The following SGIP1 variants were observed in gnomAD, a reference collection of about 807,000 sequenced individuals.
SGIP1 encodes the protein SH3GL interacting endocytic adaptor 1.
SGIP1 carries 38 observed loss-of-function variants against 107.5 expected under a neutral mutation model. That is an observed-to-expected ratio of 0.35 (90% CI 0.27 to 0.46). The LOEUF (loss-of-function observed/expected upper bound fraction) is 0.46, where lower values mean the gene tolerates loss of function less well. SGIP1 is among the 20% of genes least tolerant of loss of function. SGIP1 has a pLI of 1.00. For missense variants in SGIP1, 929 were observed against 1,019.5 expected (o/e 0.91, Z 1.21); for synonymous variants, 365 against 366.1 (o/e 1.00, Z 0.03).
At position 66,650,884 on chromosome 1, in the gene SGIP1, A is replaced by T. The variant is rs144205896; in HGVS notation, c.459+7165A>T. On this transcript the variant is annotated intron_variant, in intron 7 of 24. Transcript: ENST00000371037. Reference sequence around the variant, plus strand: ...TTTAACTACAAGCATTTTGTTCCTTACTGATTAAGATACTGTGCTCTGGAG... The same window carrying T: ...TTTAACTACAAGCATTTTGTTCCTTTCTGATTAAGATACTGTGCTCTGGAG... Among the ~76,000 whole-genome samples, 10 of 152,256 alleles carry T rather than the reference A, an allele frequency of 6.6e-5. No individual in the cohort carries two copies. In the East Asian group the frequency reaches 1.9e-3, roughly 29 times the overall value.
chr1:66,729,825 A>G (rs1355186770), intron 20 of SGIP1, among the ~76,000 whole-genome samples: 1 of 152,154 alleles, frequency 6.6e-6, no homozygotes, highest in East Asian at 1.9e-4. Context: ...TTTTTGAGAT[A>G]GAGTCTTGCT....
chr1:66,672,920 T>C (rs1304709412), intron 11 of SGIP1, among the ~76,000 whole-genome samples: 3 of 152,312 alleles, frequency 2.0e-5, no homozygotes, highest in South Asian at 2.1e-4. Context: ...TTACTTGAGA[T>C]CTTAGGGGAG....
chr1:66,608,468 G>C (rs763028993), intron 1 of SGIP1, among the ~76,000 whole-genome samples: 8 of 152,156 alleles, frequency 5.3e-5, no homozygotes, highest in Non-Finnish European at 7.4e-5. Flanking sequence ...TTACATTTTT[G>C]TAACTATTTT....
At chr1:66,729,994 G>T (rs2093934370) in intron 20 of SGIP1, among the ~76,000 whole-genome samples, 1 of 152,048 alleles carries the variant, frequency 6.6e-6, no homozygotes, top group South Asian at 2.1e-4. Context: ...TAGAGATGGG[G>T]TTTCGCCATG....
chr1:66,627,157 A>C (rs1410462272), intron 2 of SGIP1, among the ~76,000 whole-genome samples: 1 of 152,154 alleles, frequency 6.6e-6, no homozygotes, highest in Non-Finnish European at 1.5e-5. Context: ...GACACAAATT[A>C]GTATGTGTAA....
At position 66,750,736 on chromosome 1, in the gene SGIP1, G is replaced by T. The variant is rs1380643413; in HGVS notation, c.*7641G>T. Among the ~76,000 whole-genome samples the T allele has an allele frequency of 1.3e-5, 2 of 151,524 alleles. No homozygotes were observed. Among genetic ancestry groups the T allele is most frequent in the African/African-American group, 2.4e-5 (1 of 41,138 alleles). The stretch of plus-strand genomic sequence containing the variant: ...GTAATGAAAGCTTTACTGCTTCTAT[G>T]CTGTGCTCAAGAGAAAACCAACAAC... On this transcript the variant is annotated 3_prime_UTR_variant, in exon 25 of 25. Coordinates refer to ENST00000371037, the MANE Select transcript of SGIP1 (RefSeq NM_032291.4).
chr1:66,719,285 T>C lies in SGIP1; in HGVS notation c.1631-9T>C. 1 of 1,592,558 alleles carries C rather than the reference T, an allele frequency of 6.3e-7. No homozygotes were observed. The highest frequency in any genetic ancestry group is 1.1e-5 in the South Asian group (1 of 89,536). The stretch of plus-strand genomic sequence containing the variant: ...TTCATAATAAATGAAAATTTTTCAT[T>C]TCATGCAGGTTCTTCCAGGGGACCC... On this transcript the variant is annotated splice_polypyrimidine_tract_variant and intron_variant, in intron 18 of 24. Coordinates refer to ENST00000371037, the MANE Select transcript of SGIP1 (RefSeq NM_032291.4).
At chr1:66,606,551 AGGGCT>A (rs2066882987) in intron 1 of SGIP1, among the ~76,000 whole-genome samples, 1 of 152,196 alleles carries the variant, frequency 6.6e-6, no homozygotes, top group Admixed American at 6.5e-5. Context: ...GACATGACAG[AGGGCT>A]TGGCTGATTG....
At chr1:66,623,967 A>AC (rs2071931696) in intron 1 of SGIP1, among the ~76,000 whole-genome samples, 1 of 152,222 alleles carries the variant, frequency 6.6e-6, no homozygotes, top group Admixed American at 6.5e-5. Flanking sequence ...GGGTCTGTGG[A>AC]AAACTACTAT....
At chr1:66,732,700 A>T (rs548452787) in intron 20 of SGIP1, among the ~76,000 whole-genome samples, 4 of 151,976 alleles carry the variant, frequency 2.6e-5, no homozygotes, top group Admixed American at 2.6e-4. Flanking sequence ...TTTTCACTGT[A>T]TCAGCCTTCT....
chr1:66,621,879 A>T (rs2071232769), intron 1 of SGIP1, among the ~76,000 whole-genome samples: 1 of 152,192 alleles, frequency 6.6e-6, no homozygotes, highest in East Asian at 1.9e-4. Context: ...TGTAAAAGGA[A>T]TTTTACTCAC....
rs1306924484 is a variant in SGIP1 at position 66,748,186 on chromosome 1, A to G, written c.*5091A>G. 1 of 151,970 alleles carries G rather than the reference A, an allele frequency of 6.6e-6. No homozygotes were observed. The allele number at this position is 151,970 out of a possible 1,614,324, so 9.4% of individuals were successfully genotyped here. A position where few individuals can be genotyped will look rare whatever the true frequency, so the allele number is the denominator to read the frequency against. On this transcript the variant is annotated 3_prime_UTR_variant, in exon 25 of 25. Coordinates refer to ENST00000371037, the MANE Select transcript of SGIP1 (RefSeq NM_032291.4). ...GTATCTAAATGCCATTCTCTCACTT[A>G]TGAATTAAATATGGCTACCATTAAT...
At chr1:66,596,063 T>C (rs1456161345) in intron 1 of SGIP1, among the ~76,000 whole-genome samples, 1 of 151,638 alleles carries the variant, frequency 6.6e-6, no homozygotes, top group Non-Finnish European at 1.5e-5. Context: ...CCTACACAAG[T>C]GCACAAGTGC....
In SGIP1 at chr1:66,750,023, G is replaced by T. The variant is rs12754127; in HGVS notation, c.*6928G>T. ...TCTCTCTCTCTCTCTCTCTTTCTCT[G>T]TGTGTGTGTGGGGGTGTGTGTGTGT... On this transcript the variant is annotated 3_prime_UTR_variant, in exon 25 of 25. Transcript: ENST00000371037. Among the ~76,000 whole-genome samples, 12 of 61,082 alleles carry T rather than the reference G, an allele frequency of 2.0e-4. No individual in the cohort carries two copies. The highest frequency in any genetic ancestry group is 4.3e-4 in the Non-Finnish European group (12 of 28,172). The allele number at this position is 61,082 out of a possible 152,430, so 40.1% of individuals were successfully genotyped here.
At chr1:66,536,456 A>C (rs138754703) in intron 1 of SGIP1, among the ~76,000 whole-genome samples, 1 of 152,238 alleles carries the variant, frequency 6.6e-6, no homozygotes, top group Non-Finnish European at 1.5e-5. Context: ...TCAATTTGCT[A>C]TCAGTTGCCT....
chr1:66,672,141 C>A, intron 11 of SGIP1, 146 bp downstream of exon 11: 2 of 719,064 alleles, frequency 2.8e-6, no homozygotes, highest in Non-Finnish European at 2.4e-6. Flanking sequence ...CAGCATGGTC[C>A]AAATATGTTA....
At chr1:66,554,871 A>G (rs917806063) in intron 1 of SGIP1, among the ~76,000 whole-genome samples, 1 of 152,162 alleles carries the variant, frequency 6.6e-6, no homozygotes, top group African/African-American at 2.4e-5. Context: ...TATTGTTTTG[A>G]TTAAGGCACT....
At chr1:66,567,481 T>C (rs1210510042) in intron 1 of SGIP1, among the ~76,000 whole-genome samples, 2 of 152,206 alleles carry the variant, frequency 1.3e-5, no homozygotes, top group Non-Finnish European at 2.9e-5. Flanking sequence ...ATAGTTTCTT[T>C]TGCTGTGCAG....
chr1:66,688,257 G>C (rs969662146), intron 15 of SGIP1, among the ~76,000 whole-genome samples: 13 of 152,194 alleles, frequency 8.5e-5, no homozygotes, highest in Non-Finnish European at 1.5e-4. Context: ...AGAACGGTTT[G>C]AACGTTGATT....
Sources: allele counts gnomAD v4.1 joint callset (sites outside exome capture counted in the v4.1 genomes callset), GRCh38; gene constraint gnomAD v4.1.1; transcripts MANE v1.5; gene names NCBI Gene and HGNC (gene_info 2026-07-23, HGNC 2026-07-21).